ADRA1B: variants seen among roughly 807,000 people sequenced by gnomAD.
ADRA1B encodes adrenoceptor alpha 1B.
ADRA1B carries 17 observed loss-of-function variants against 17.9 expected under a neutral mutation model. The observed-to-expected ratio is 0.95, with a 90% CI of 0.65 to 1.42. ADRA1B has a LOEUF of 1.42. Among genes scored for constraint, ADRA1B ranks in the 40% most tolerant of loss-of-function variants. ADRA1B has a pLI of 0.00. For missense variants in ADRA1B, 681 were observed against 722.1 expected (o/e 0.94, Z 0.65); for synonymous variants, 366 against 327.6 (o/e 1.12, Z -1.27).
intron 1 of ADRA1B, among the ~76,000 whole-genome samples, chr5:159,931,558 T>G (rs971414149): frequency 6.6e-6 from 1 of 152,152 alleles, no homozygotes; most frequent in Non-Finnish European, 1.5e-5. Flanking sequence ...AATTTATACG[T>G]AACAGCAAAA....
chr5:159,978,460 C>T, the ADRA1B span, among the ~76,000 whole-genome samples: 75 of 152,300 alleles, frequency 4.9e-4, 1 homozygote, highest in African/African-American at 1.7e-3. Context: ...ATAGTTAGTG[C>T]TCTCCCTTGT....
intron 1 of ADRA1B, chr5:159,951,046 G>A (rs1221056918): frequency 1.3e-5 from 9 of 702,616 alleles, no homozygotes; most frequent in Admixed American, 8.8e-5. Flanking sequence ...AGTTGGTGGT[G>A]CAGGAGGCAT....
chr5:159,952,823 G>A (rs1403951865), intron 1 of ADRA1B, among the ~76,000 whole-genome samples: 2 of 152,130 alleles, frequency 1.3e-5, no homozygotes, highest in Admixed American at 1.3e-4. Flanking sequence ...TAAAGACAGA[G>A]TCCATTTCTA....
chr5:159,877,246 G>A (rs943020768), intron 1 of ADRA1B, among the ~76,000 whole-genome samples: 1 of 152,058 alleles, frequency 6.6e-6, no homozygotes, highest in African/African-American at 2.4e-5. Context: ...TCCACCCTTT[G>A]TAAACCACTC....
chr5:159,908,380 G>A (rs1026002415), intron 1 of ADRA1B, among the ~76,000 whole-genome samples: 2 of 152,196 alleles, frequency 1.3e-5, no homozygotes, highest in African/African-American at 2.4e-5. Flanking sequence ...CGATCCCCCA[G>A]TGTTGAAAGT....
At chr5:159,906,790 G>A (rs79415918) in intron 1 of ADRA1B, among the ~76,000 whole-genome samples, 10 of 152,344 alleles carry the variant, frequency 6.6e-5, no homozygotes, top group African/African-American at 2.2e-4. Context: ...CGCACCTGGA[G>A]ATGATCCATC....
At chr5:159,895,418 A>C (rs1395784264) in intron 1 of ADRA1B, among the ~76,000 whole-genome samples, 1 of 152,256 alleles carries the variant, frequency 6.6e-6, no homozygotes, top group Non-Finnish European at 1.5e-5. Flanking sequence ...CACCTGGAAC[A>C]AGATGCTACT....
chr5:159,918,371 C>T (rs1481822586), intron 1 of ADRA1B, among the ~76,000 whole-genome samples: 2 of 152,202 alleles, frequency 1.3e-5, no homozygotes, highest in Non-Finnish European at 2.9e-5. Context: ...AGGCTGCATT[C>T]TCTCCCTCCC....
chr5:159,896,521 G>A (rs75537026), intron 1 of ADRA1B, among the ~76,000 whole-genome samples: 4,952 of 152,288 alleles, frequency 0.033, 82 homozygotes, highest in Middle Eastern at 0.071. Context: ...TCAAATGAAA[G>A]GTGTGTGCTC....
downstream of ADRA1B, among the ~76,000 whole-genome samples, chr5:159,973,476 G>T (rs914838345): frequency 6.6e-6 from 1 of 152,172 alleles, no homozygotes; most frequent in Non-Finnish European, 1.5e-5. Flanking sequence ...AGAGAGAGGG[G>T]CTGGTTCCCT....
In ADRA1B at chr5:159,916,642, G is replaced by T. The variant is rs1405898139; in HGVS notation, c.-264G>T. On this transcript the variant is annotated 5_prime_UTR_variant, in exon 1 of 2. Transcript: ENST00000306675. Reference sequence around the variant, plus strand: ...CGCTCCCCCGCGAGCCCGGCCAGGCGCGCCTGACGTGGACCATTAAACTTG... The same window carrying T: ...CGCTCCCCCGCGAGCCCGGCCAGGCTCGCCTGACGTGGACCATTAAACTTG... 3 of 266,054 alleles carry T rather than the reference G, an allele frequency of 1.1e-5. No individual in the cohort carries two copies. Among genetic ancestry groups the T allele is most frequent in the Non-Finnish European group, 1.4e-5 (2 of 142,438 alleles). 16.5% of individuals were successfully genotyped at this position (266,054 alleles called of 1,614,324 possible).
chr5:159,900,088 T>C lies in ADRA1B; in HGVS notation c.-255-16031T>C, dbSNP rs532387609. ...GTTTAAATAGTCTATTCTAGTCCAA[T>C]AATCTGCCAGCCTGACCTTCTGCCA... On this transcript the variant is annotated intron_variant, in intron 1 of 2. Transcript: ENST00000641205. Among the ~76,000 whole-genome samples, 5 of 152,236 alleles carry C rather than the reference T, an allele frequency of 3.3e-5. No individual in the cohort carries two copies. In the South Asian group the frequency reaches 8.3e-4, roughly 25 times the overall value.
In ADRA1B at chr5:159,917,380, CG is replaced by C; in HGVS notation, c.477del (p.Arg160GlyfsTer61). The C allele has an allele frequency of 6.2e-7, 1 of 1,614,156 alleles. No individual in the cohort carries two copies. Among genetic ancestry groups the C allele is most frequent in the Non-Finnish European group, 8.5e-7 (1 of 1,180,034 alleles). On this transcript the variant is annotated frameshift_variant, in exon 1 of 2. Transcript: ENST00000306675. LOFTEE classifies it high-confidence loss of function. Reference sequence around the variant, plus strand: ...TCTGCAGTATCCCACGCTGGTCACCCGGAGGAAGGCCATCTTGGCGCTGCTC... The same window carrying C: ...TCTGCAGTATCCCACGCTGGTCACCCGAGGAAGGCCATCTTGGCGCTGCTC... ...YSLQYPTLVT[R>X]RKAILALLSV...
intron 1 of ADRA1B, among the ~76,000 whole-genome samples, chr5:159,934,779 C>T (rs578054384): frequency 2.6e-5 from 4 of 150,988 alleles, no homozygotes; most frequent in South Asian, 2.1e-4. Flanking sequence ...GATTGCACCA[C>T]TGCACTCCAG....
the ADRA1B span, among the ~76,000 whole-genome samples, chr5:159,980,045 C>T: frequency 6.6e-6 from 1 of 151,872 alleles, no homozygotes; most frequent in Non-Finnish European, 1.5e-5. Context: ...TAAGATTTGC[C>T]ATAGAAGAGG....
intron 1 of ADRA1B, among the ~76,000 whole-genome samples, chr5:159,965,252 G>A (rs1053069597): frequency 6.6e-6 from 1 of 152,156 alleles, no homozygotes; most frequent in Non-Finnish European, 1.5e-5. Flanking sequence ...AGGCTTCCCA[G>A]GCCTGGCGAG....
At chr5:159,988,496 C>A in the ADRA1B span, among the ~76,000 whole-genome samples, 1 of 152,220 alleles carries the variant, frequency 6.6e-6, no homozygotes, top group Non-Finnish European at 1.5e-5. Context: ...AGACCACAGT[C>A]CTTTACAATG....
chr5:159,918,871 G>A (rs1298868175), intron 1 of ADRA1B, among the ~76,000 whole-genome samples: 2 of 152,068 alleles, frequency 1.3e-5, no homozygotes, highest in African/African-American at 4.8e-5. Context: ...TATCCCTGGG[G>A]GACACTACAG....
intron 1 of ADRA1B, among the ~76,000 whole-genome samples, chr5:159,872,350 T>C (rs1042604630): frequency 1.6e-4 from 25 of 152,176 alleles, no homozygotes; most frequent in Admixed American, 6.5e-4. Flanking sequence ...CAAAATATCA[T>C]TGGCCAAACT....
Sources: allele counts gnomAD v4.1 joint callset (sites outside exome capture counted in the v4.1 genomes callset), GRCh38; gene constraint gnomAD v4.1.1; transcripts MANE v1.5; gene names NCBI Gene and HGNC (gene_info 2026-07-23, HGNC 2026-07-21).